Variants in BBS2 observed in about 807,000 individuals in gnomAD.
BBS2 encodes BBSome complex member BBS2.
BBS2 carries 62 observed loss-of-function variants against 83.0 expected under a neutral mutation model. The ratio of observed to expected loss-of-function variants is 0.75; its 90% CI spans 0.61 to 0.92. BBS2 has a LOEUF of 0.92. BBS2 is among the 40% of genes least tolerant of loss of function. The probability of loss-of-function intolerance (pLI) is 0.00; values close to 1 mark genes in which losing one functional copy is unlikely to be tolerated. For synonymous variants in BBS2, 303 were observed against 326.1 expected, an observed-to-expected ratio of 0.93 and a Z score of 0.76; for missense variants, 784 against 901.0, an observed-to-expected ratio of 0.87 and a Z score of 1.66.
chr16:56,489,898 C>T (rs1245571054), intron 15 of BBS2, among the ~76,000 whole-genome samples: 3 of 151,984 alleles, frequency 2.0e-5, no homozygotes, highest in African/African-American at 7.3e-5. Context: ...CCACGGCAGG[C>T]AGATCGCTTG....
At chr16:56,490,566 G>GCA in intron 15 of BBS2, among the ~76,000 whole-genome samples, 1 of 151,636 alleles carries the variant, frequency 6.6e-6, no homozygotes, top group East Asian at 2.0e-4. Flanking sequence ...ACTTGAATCT[G>GCA]GGAGGCAGAG....
At chr16:56,502,607 C>A in intron 8 of BBS2, 66 bp downstream of exon 8, 1 of 1,612,590 alleles carries the variant, frequency 6.2e-7, no homozygotes, top group South Asian at 1.1e-5. Context: ...GGTGAAATTT[C>A]CTGATATTTT....
intron 12 of BBS2, chr16:56,498,992 A>G (rs1225022684): frequency 1.0e-5 from 3 of 297,086 alleles, no homozygotes; most frequent in Non-Finnish European, 2.0e-5. Context: ...TAAGAAATGT[A>G]AAATGAAGTA....
At chr16:56,507,660 G>C (rs115772665) in intron 5 of BBS2, among the ~76,000 whole-genome samples, 1,569 of 151,956 alleles carry the variant, frequency 0.01, 26 homozygotes, top group African/African-American at 0.034. Flanking sequence ...GCACATATAA[G>C]CACATACACA....
chr16:56,477,269 C>G (rs1963524588), intron 17 of BBS2: 1 of 152,246 alleles, frequency 6.6e-6, no homozygotes, highest in Non-Finnish European at 1.5e-5. Flanking sequence ...ATCACATTTC[C>G]TCCCACTGCC....
At chr16:56,494,116 G>T (rs1964042222) in intron 15 of BBS2, among the ~76,000 whole-genome samples, 1 of 148,092 alleles carries the variant, frequency 6.8e-6, no homozygotes, top group Non-Finnish European at 1.5e-5. Flanking sequence ...GCACCACTAT[G>T]CCCAGCTAAT....
rs118012772 is a variant in BBS2, at chr16:56,507,213, C to G, written c.613-989G>C. ...TAGGAGCAAAACCTAACAAAGAGAA[C>G]AGGAAAATGGCCCTGCAAGTGAACA... On this transcript the variant is annotated intron_variant, in intron 5 of 16. Transcript: ENST00000245157. Among the ~76,000 whole-genome samples the G allele has an allele frequency of 2.8e-3, 430 of 152,276 alleles. 2 individuals are homozygous for G. The highest frequency in any genetic ancestry group is 7.7e-3 in the South Asian group (37 of 4,826).
At chr16:56,483,177 G>C (rs537522561), downstream of BBS2, among the ~76,000 whole-genome samples, 1 of 152,262 alleles carries the variant, frequency 6.6e-6, no homozygotes, top group African/African-American at 2.4e-5. Context: ...AATACTGTAG[G>C]AAACTGTAAC....
intron 15 of BBS2, among the ~76,000 whole-genome samples, chr16:56,489,926 C>T (rs923871907): frequency 6.6e-6 from 1 of 152,000 alleles, no homozygotes; most frequent in Non-Finnish European, 1.5e-5. Context: ...GAGTTCAAGA[C>T]CAGTCTGGGC....
chr16:56,499,708 C>T, intron 12 of BBS2, 70 bp downstream of exon 12: 1 of 1,597,746 alleles, frequency 6.3e-7, no homozygotes. Context: ...GTAATTTTCC[C>T]TTTCTATGAA....
At chr16:56,476,055 G>A (rs1424125969) in intron 17 of BBS2, 1 of 1,611,064 alleles carries the variant, frequency 6.2e-7, no homozygotes, top group Non-Finnish European at 8.5e-7. Flanking sequence ...TGCTAACAGT[G>A]AATCCAGAAA....
intron 1 of BBS2, among the ~76,000 whole-genome samples, chr16:56,519,142 C>CCAA (rs1158544226): frequency 1.3e-5 from 2 of 151,892 alleles, no homozygotes; most frequent in Non-Finnish European, 2.9e-5. Flanking sequence ...ACCAGCCTGG[C>CCAA]CAACATGGTG....
chr16:56,502,211 C>A lies in BBS2; in HGVS notation c.1080+106G>T, dbSNP rs1395987268. 8 of 1,495,726 alleles carry A rather than the reference C, an allele frequency of 5.3e-6. No individual in the cohort carries two copies. In the African/African-American group the frequency reaches 1.1e-4, roughly 21 times the overall value. 92.7% of individuals were successfully genotyped at this position (1,495,726 alleles called of 1,614,324 possible). A position where few individuals can be genotyped will look rare whatever the true frequency, so the allele number is the denominator to read the frequency against. On this transcript the variant is annotated intron_variant, in intron 9 of 16. Transcript: ENST00000245157. ...CTCAATTCTGACAATGGCAAAAAGG[C>A]CACACCCTGGCAATGACACTCTCAT... is the stretch of plus-strand genomic sequence containing the variant.
intron 17 of BBS2, chr16:56,476,046 G>A (rs368303889): frequency 6.2e-5 from 99 of 1,608,796 alleles, no homozygotes; most frequent in Non-Finnish European, 6.5e-5. Flanking sequence ...TTTTTCAGCT[G>A]CTAACAGTGA....
At position 56,484,748 on chromosome 16, in the gene BBS2, G is replaced by C. The variant is rs141170836; in HGVS notation, c.*13C>G. The C allele has an allele frequency of 6.2e-7, 1 of 1,609,058 alleles. No individual in the cohort carries two copies. Among genetic ancestry groups the C allele is most frequent in the East Asian group, 2.2e-5 (1 of 44,806 alleles). On this transcript the variant is annotated 3_prime_UTR_variant, in exon 17 of 17. Transcript: ENST00000245157. ...ATCTTTGCCAGGAACTTCATGACCTGTATTTTCCTCACCTAGGAAGAAGCT... is the reference window on the plus strand; with the variant it reads ...ATCTTTGCCAGGAACTTCATGACCTCTATTTTCCTCACCTAGGAAGAAGCT...
intron 4 of BBS2, 100 bp from the exon 5 acceptor site, chr16:56,510,134 T>C: frequency 2.0e-6 from 2 of 1,000,836 alleles, no homozygotes; most frequent in South Asian, 2.7e-5. Context: ...ATGCTGCTTC[T>C]GCCACCCAAG....
intron 17 of BBS2, chr16:56,478,499 C>T (rs921246373): frequency 2.0e-5 from 3 of 152,178 alleles, no homozygotes; most frequent in African/African-American, 7.2e-5. Flanking sequence ...ATCTCACTCA[C>T]TTGCCTTCTG....
chr16:56,470,554 T>C (rs752306603), exon 18 of BBS2: 17 of 1,614,066 alleles, frequency 1.1e-5, no homozygotes, highest in Non-Finnish European at 7.6e-6. Context: ...GTTATTTCGC[T>C]CTGAGGCACT....
intron 15 of BBS2, among the ~76,000 whole-genome samples, chr16:56,487,392 C>A (rs535923638): frequency 3.3e-4 from 50 of 152,024 alleles, no homozygotes; most frequent in African/African-American, 1.1e-3. Context: ...GTAAAGGGCA[C>A]ATTATAAAAT....
Sources: gnomAD v4.1 joint callset for allele counts (sites outside exome capture counted in the v4.1 genomes callset) on GRCh38, gnomAD v4.1.1 for gene constraint, MANE v1.5 for transcripts, NCBI Gene and HGNC (gene_info 2026-07-23, HGNC 2026-07-21) for gene names.